Variants in ACOXL observed in about 807,000 individuals in gnomAD.
ACOXL encodes acyl-coenzyme A oxidase-like protein.
Under a neutral mutation model 71.9 loss-of-function variants are expected in ACOXL, and 70 were observed. That is an observed-to-expected ratio of 0.97 (90% CI 0.80 to 1.19). The LOEUF is 1.19. Ranked by LOEUF, ACOXL falls within the 50% of genes most tolerant of loss-of-function variation. ACOXL has a pLI of 0.00. For synonymous variants in ACOXL, 253 were observed against 281.6 expected (o/e 0.90, Z 1.02); for missense variants, 703 against 736.3 (o/e 0.95, Z 0.52).
At chr2:111,031,336 C>T (rs1173040485) in intron 14 of ACOXL, among the ~76,000 whole-genome samples, 1 of 152,198 alleles carries the variant, frequency 6.6e-6, no homozygotes, top group African/African-American at 2.4e-5. Context: ...ATCAGAACAG[C>T]CTCACTTGAT....
rs578077813 is a variant in ACOXL, at chr2:110,988,526, C to T, written c.1169+1309C>T. Among the ~76,000 whole-genome samples, 18 of 152,220 alleles carry T rather than the reference C, an allele frequency of 1.2e-4. No individual in the cohort carries two copies. In the East Asian group the frequency reaches 1.7e-3, roughly 15 times the overall value. Reference sequence around the variant, plus strand: ...CTGTTGTTTGAAAAACACTCCCCTACGGTATATATTACCTAGGAATGGAAT... The same window carrying T: ...CTGTTGTTTGAAAAACACTCCCCTATGGTATATATTACCTAGGAATGGAAT... On this transcript the variant is annotated intron_variant, in intron 13 of 17. Coordinates refer to ENST00000439055, the MANE Select transcript of ACOXL (RefSeq NM_001142807.4).
chr2:110,735,627 A>G (rs1341295122), intron 1 of ACOXL, among the ~76,000 whole-genome samples: 2 of 152,128 alleles, frequency 1.3e-5, no homozygotes, highest in African/African-American at 4.8e-5. Context: ...TTCCTCTTCT[A>G]AGGAGTGACT....
At chr2:111,038,078 G>T (rs3789083) in intron 15 of ACOXL, among the ~76,000 whole-genome samples, 10,248 of 152,258 alleles carry the variant, frequency 0.067, 404 homozygotes, top group East Asian at 0.19. Context: ...CCAACATTCA[G>T]TGAGGGCTCA....
At chr2:110,987,907 C>T (rs2063001665) in intron 13 of ACOXL, among the ~76,000 whole-genome samples, 1 of 152,088 alleles carries the variant, frequency 6.6e-6, no homozygotes, top group Admixed American at 6.5e-5. Flanking sequence ...AAACCCTGTA[C>T]ATGTTTTCTG....
At chr2:110,780,590 G>A (rs1476124011) in intron 2 of ACOXL, among the ~76,000 whole-genome samples, 1 of 152,148 alleles carries the variant, frequency 6.6e-6, no homozygotes, top group African/African-American at 2.4e-5. Context: ...ATTCATAGAT[G>A]GAAACCATTC....
chr2:110,898,513 A>AG (rs2059104877), intron 10 of ACOXL, among the ~76,000 whole-genome samples: 1 of 152,360 alleles, frequency 6.6e-6, no homozygotes, highest in African/African-American at 2.4e-5. Flanking sequence ...TAATGGATAC[A>AG]GAAAAAAGTG....
At chr2:110,772,637 TTC>T in intron 2 of ACOXL, among the ~76,000 whole-genome samples, 1 of 152,220 alleles carries the variant, frequency 6.6e-6, no homozygotes, top group Non-Finnish European at 1.5e-5. Context: ...CCTACAACCG[TTC>T]TCTCTCTCAC....
chr2:111,065,443 G>A (rs1310658878), intron 16 of ACOXL, among the ~76,000 whole-genome samples: 1 of 152,168 alleles, frequency 6.6e-6, no homozygotes, highest in Non-Finnish European at 1.5e-5. Flanking sequence ...AAAACCTTTG[G>A]CAACTATGGT....
At chr2:110,803,013 C>T (rs553082141) in intron 8 of ACOXL, among the ~76,000 whole-genome samples, 1 of 151,810 alleles carries the variant, frequency 6.6e-6, no homozygotes, top group South Asian at 2.1e-4. Flanking sequence ...TATTATATGT[C>T]AATTAACAAA....
chr2:110,985,556 T>C (rs2062893661), intron 12 of ACOXL, among the ~76,000 whole-genome samples: 1 of 152,202 alleles, frequency 6.6e-6, no homozygotes, highest in Admixed American at 6.5e-5. Flanking sequence ...AGAATTACTG[T>C]GTCAGCCTCG....
At chr2:110,799,473 C>A (rs549645092) in intron 7 of ACOXL, among the ~76,000 whole-genome samples, 5 of 152,120 alleles carry the variant, frequency 3.3e-5, no homozygotes, top group Admixed American at 6.5e-5. Context: ...GCTCTTGAGG[C>A]CCTTAATGAG....
At chr2:111,034,979 A>G (rs1002362673) in intron 15 of ACOXL, among the ~76,000 whole-genome samples, 4 of 150,160 alleles carry the variant, frequency 2.7e-5, no homozygotes, top group Non-Finnish European at 5.9e-5. Context: ...GTGTAGTGGC[A>G]TGATCTCTGC....
At chr2:111,080,771 A>G (rs1189263657) in intron 16 of ACOXL, among the ~76,000 whole-genome samples, 1 of 152,244 alleles carries the variant, frequency 6.6e-6, no homozygotes, top group Non-Finnish European at 1.5e-5. Flanking sequence ...GAACATCCTC[A>G]ATAAAAAACT....
At chr2:111,095,961 A>T (rs1464369204) in intron 17 of ACOXL, among the ~76,000 whole-genome samples, 1 of 152,194 alleles carries the variant, frequency 6.6e-6, no homozygotes, top group African/African-American at 2.4e-5. Flanking sequence ...CTTTGCAGGG[A>T]TCTCAAGGCT....
chr2:110,794,761 G>T (rs1196464290), intron 5 of ACOXL, among the ~76,000 whole-genome samples: 1 of 151,876 alleles, frequency 6.6e-6, no homozygotes, highest in African/African-American at 2.4e-5. Context: ...TCTTTTCTTT[G>T]TCTTCCTTTT....
intron 16 of ACOXL, among the ~76,000 whole-genome samples, chr2:111,070,811 A>C (rs1429007790): frequency 1.3e-5 from 2 of 152,098 alleles, no homozygotes; most frequent in Non-Finnish European, 2.9e-5. Context: ...GTAAGGCAGA[A>C]AATAGCATGT....
intron 15 of ACOXL, among the ~76,000 whole-genome samples, chr2:111,039,360 C>G (rs1467407310): frequency 1.3e-5 from 2 of 151,274 alleles, no homozygotes; most frequent in African/African-American, 4.9e-5. Context: ...ACATAATGCT[C>G]TATTAACTTG....
chr2:111,019,277 G>A (rs1341624110), intron 14 of ACOXL, among the ~76,000 whole-genome samples: 2 of 152,068 alleles, frequency 1.3e-5, no homozygotes, highest in Non-Finnish European at 2.9e-5. Flanking sequence ...TTCAAAATGA[G>A]GAAACTGTTA....
chr2:111,008,144 C>A (rs1275818288), intron 14 of ACOXL, among the ~76,000 whole-genome samples: 1 of 151,958 alleles, frequency 6.6e-6, no homozygotes, highest in Non-Finnish European at 1.5e-5. Context: ...CTTTTTTTCC[C>A]CCTCTTTTGG....
Sources: allele counts gnomAD v4.1 joint callset (sites outside exome capture counted in the v4.1 genomes callset), GRCh38; gene constraint gnomAD v4.1.1; transcripts MANE v1.5; gene names NCBI Gene and HGNC (gene_info 2026-07-23, HGNC 2026-07-21).